Variants in CSNK1E observed in about 807,000 individuals in gnomAD.
CSNK1E encodes the protein casein kinase I isoform epsilon.
In CSNK1E, 17 loss-of-function variants were observed where a neutral mutation model predicts 46.1. The observed-to-expected ratio is 0.37, with a 90% CI of 0.25 to 0.55. The LOEUF is 0.55. Among genes scored for constraint, CSNK1E ranks in the 20% least tolerant of loss-of-function variants. CSNK1E has a pLI of 0.82. For synonymous variants in CSNK1E, 241 were observed against 242.6 expected (o/e 0.99, Z 0.06); for missense variants, 386 against 595.4 (o/e 0.65, Z 3.66).
chr22:38,306,158 C>G (rs1196060424), intron 2 of CSNK1E, among the ~76,000 whole-genome samples: 25 of 152,204 alleles, frequency 1.6e-4, no homozygotes, highest in Admixed American at 1.6e-3. Context: ...ATATTCCACA[C>G]TCTCATTTCA....
chr22:38,314,266 A>C, intron 1 of CSNK1E, 97 bp from the exon 2 acceptor site: 2 of 896,672 alleles, frequency 2.2e-6, no homozygotes, highest in Non-Finnish European at 3.6e-6. Context: ...GAACTCGAAA[A>C]CCTGCATTCT....
intron 7 of CSNK1E, chr22:38,297,737 T>C: frequency 1.0e-6 from 1 of 997,828 alleles, no homozygotes; most frequent in Non-Finnish European, 1.2e-6. Context: ...CCTCAGGCTG[T>C]CCTGGCCCTC....
intron 7 of CSNK1E, chr22:38,296,720 T>A: frequency 1.2e-6 from 2 of 1,603,964 alleles, no homozygotes; most frequent in Non-Finnish European, 1.7e-6. Flanking sequence ...GGCTAGACAG[T>A]CTTGTGAGAC....
At position 38,294,373 on chromosome 22, in the gene CSNK1E, A is replaced by C. The variant is rs767477666; in HGVS notation, c.1047T>G (p.Ala349=). ...GCTGGATGCGGGAGGCTGGCGTGGA[A>C]GCCACGGGCTCGGCGGCACTGCGGA... ...NRLRSAAEPV[A]STPASRIQPA... Residue 349 remains alanine, a synonymous_variant, in exon 8 of 11, where the codon GCT becomes GCG. Transcript: ENST00000396832. The surrounding 1 kb of genome is among the most constrained non-coding windows in gnomAD (Gnocchi z 5.5). 2 of 1,562,762 alleles carry C rather than the reference A, an allele frequency of 1.3e-6. No individual in the cohort carries two copies. The highest frequency in any genetic ancestry group is 2.7e-5 in the African/African-American group (2 of 73,996).
intron 6 of CSNK1E, 79 bp from the exon 7 acceptor site, chr22:38,299,013 G>C: frequency 6.6e-7 from 1 of 1,505,214 alleles, no homozygotes; most frequent in Non-Finnish European, 9.2e-7. Context: ...CACTGTCCTA[G>C]CCACCCACTG....
chr22:38,316,439 G>A (rs969733678), intron 1 of CSNK1E, among the ~76,000 whole-genome samples: 2 of 152,078 alleles, frequency 1.3e-5, no homozygotes, highest in Non-Finnish European at 2.9e-5. Flanking sequence ...AAAACTAAGG[G>A]AAAAGTTGGG....
chr22:38,306,621 C>T (rs766865533), intron 2 of CSNK1E, among the ~76,000 whole-genome samples: 14 of 152,132 alleles, frequency 9.2e-5, no homozygotes, highest in Non-Finnish European at 1.8e-4. Flanking sequence ...ATCCCAGCTA[C>T]TCGGCAGGCT....
Position 38,298,081 on chromosome 22 carries a change from A to G in CSNK1E, c.885+705T>C. On this transcript the variant is annotated intron_variant, in intron 7 of 10. Coordinates refer to ENST00000396832, the MANE Select transcript of CSNK1E (RefSeq NM_152221.3). The surrounding 1 kb of genome is among the most constrained non-coding windows in gnomAD (Gnocchi z 4.2). The stretch of plus-strand genomic sequence containing the variant: ...GCAAATTTTGGAAAAGCCAGACCTC[A>G]GAGGATCCTTACCAGTACGTGGGTG... 8.4e-7 allele frequency: 1 copy of G among 1,190,970 alleles called. No individual in the cohort carries two copies. The highest frequency in any genetic ancestry group is 1.5e-5 in the South Asian group (1 of 65,716). 73.8% of individuals were successfully genotyped at this position (1,190,970 alleles called of 1,614,324 possible). A position where few individuals can be genotyped will look rare whatever the true frequency, so the allele number is the denominator to read the frequency against.
At chr22:38,311,300 C>T (rs1297436322) in intron 2 of CSNK1E, among the ~76,000 whole-genome samples, 1 of 152,178 alleles carries the variant, frequency 6.6e-6, no homozygotes, top group Non-Finnish European at 1.5e-5. Context: ...AGAACCAGCA[C>T]CCAAACCTAG....
rs763764534 is a variant in CSNK1E, at chr22:38,300,767, G to A, written c.522C>T (p.Thr174=). ...HIPYRENKNL[T]GTARYASINT... ...TGATGGAAGCGTAGCGGGCCGTGCC[G>A]GTCAGGTTCTTGTTTTCCCGGTAGG... Residue 174 remains threonine, a synonymous_variant, in exon 5 of 11, where the codon ACC becomes ACT. Coordinates refer to ENST00000396832, the MANE Select transcript of CSNK1E (RefSeq NM_152221.3). The surrounding 1 kb of genome is among the most constrained non-coding windows in gnomAD (Gnocchi z 4.4). The A allele has an allele frequency of 2.7e-5, 44 of 1,614,110 alleles. No homozygotes were observed. The highest frequency in any genetic ancestry group is 1.6e-4 in the Middle Eastern group (1 of 6,084).
rs1328649985 is a variant in CSNK1E at position 38,298,729 on chromosome 22, A to G, written c.885+57T>C. The G allele has an allele frequency of 6.3e-7, 1 of 1,598,872 alleles. No individual in the cohort carries two copies. The highest frequency in any genetic ancestry group is 2.2e-5 in the East Asian group (1 of 44,738). On this transcript the variant is annotated intron_variant, in intron 7 of 10. Transcript: ENST00000396832. The surrounding 1 kb of genome is among the most constrained non-coding windows in gnomAD (Gnocchi z 4.2). ...GCCACCAGCTCACTCTGGCCCTCTG[A>G]GTCAGGGCCTTCCCCATCCAGTCCC...
Position 38,298,976 on chromosome 22 carries a change from C to T in CSNK1E, c.737-42G>A. 10 of 1,611,344 alleles carry T rather than the reference C, an allele frequency of 6.2e-6. No homozygotes were observed. Among genetic ancestry groups the T allele is most frequent in the Non-Finnish European group, 8.5e-6 (10 of 1,177,892 alleles). ...AGGATAGAGAAGGCCACTGTGAGGC[C>T]CACGCTCCCAGACCCCCTGCAGCCA... On this transcript the variant is annotated intron_variant, in intron 6 of 10. Coordinates refer to ENST00000396832, the MANE Select transcript of CSNK1E (RefSeq NM_152221.3). The surrounding 1 kb of genome is among the most constrained non-coding windows in gnomAD (Gnocchi z 4.2).
intron 2 of CSNK1E, 100 bp downstream of exon 2, chr22:38,313,982 A>T (rs1480054884): frequency 9.0e-7 from 1 of 1,108,910 alleles, no homozygotes; most frequent in Non-Finnish European, 1.4e-6. Context: ...ATGCCCCTGG[A>T]GCCACATTCT....
At chr22:38,317,834 A>G (rs1719702752), upstream of CSNK1E, among the ~76,000 whole-genome samples, 1 of 152,094 alleles carries the variant, frequency 6.6e-6, no homozygotes, top group South Asian at 2.1e-4. Flanking sequence ...TATTCACGAC[A>G]CTGCAAAAGA....
chr22:38,300,017 T>C lies in CSNK1E; in HGVS notation c.614A>G (p.Tyr205Cys), dbSNP rs1446016984. The change falls in exon 6 of 11, where the codon TAC (tyrosine) becomes TGC (cysteine). Residue 205 changes from tyrosine to cysteine, a missense_variant. Physicochemically the swap from Tyr to Cys is radical, Grantham distance 194. Coordinates refer to ENST00000396832, the MANE Select transcript of CSNK1E (RefSeq NM_152221.3). The surrounding 1 kb of genome is among the most constrained non-coding windows in gnomAD (Gnocchi z 4.4). ...CCAGGGCAGGGAGCCCAGGTTGAAG[T>C]ACATGAGCACGTAGCCCAGGCTCTC... ...DLESLGYVLM[Y>C]FNLGSLPWQG... 1.2e-6 allele frequency: 2 copies of C among 1,614,160 alleles called. No homozygotes were observed. Among genetic ancestry groups the C allele is most frequent in the Non-Finnish European group, 1.7e-6 (2 of 1,180,032 alleles).
At chr22:38,297,886 A>G in intron 7 of CSNK1E, 1 of 1,051,704 alleles carries the variant, frequency 9.5e-7, no homozygotes, top group Non-Finnish European at 1.2e-6. Context: ...TGGCGACATC[A>G]GAAATGGGGC....
chr22:38,302,698 G>A (rs545552140), intron 4 of CSNK1E, among the ~76,000 whole-genome samples, 163 bp downstream of exon 4: 2 of 152,264 alleles, frequency 1.3e-5, no homozygotes, highest in African/African-American at 4.8e-5. Flanking sequence ...GCGACAGAGT[G>A]AGACTCCGCC....
At position 38,298,482 on chromosome 22, in the gene CSNK1E, G is replaced by A. The variant is rs1295201474; in HGVS notation, c.885+304C>T. 3 of 407,274 alleles carry A rather than the reference G, an allele frequency of 7.4e-6. No homozygotes were observed. The highest frequency in any genetic ancestry group is 4.1e-5 in the African/African-American group (2 of 48,720). 25.2% of individuals were successfully genotyped at this position (407,274 alleles called of 1,614,324 possible). ...GTGTAGGCAGCAATCAGGGCAGCAG[G>A]GGGCGCCGCCAGCACCACCCATGCC... On this transcript the variant is annotated intron_variant, in intron 7 of 10. Transcript: ENST00000396832. The surrounding 1 kb of genome is among the most constrained non-coding windows in gnomAD (Gnocchi z 4.2).
Position 38,294,538 on chromosome 22 carries a change from C to T in CSNK1E, c.886-4G>A. ...CCTCGGGATTCCGGGCTGCACCCTGCAGGGATGCAAGAAAAGACACCAGTC... is the reference window on the plus strand; with the variant it reads ...CCTCGGGATTCCGGGCTGCACCCTGTAGGGATGCAAGAAAAGACACCAGTC... On this transcript the variant is annotated splice_polypyrimidine_tract_variant and splice_region_variant and intron_variant, in intron 7 of 10. Coordinates refer to ENST00000396832, the MANE Select transcript of CSNK1E (RefSeq NM_152221.3). The surrounding 1 kb of genome is among the most constrained non-coding windows in gnomAD (Gnocchi z 5.5). 2 of 1,578,174 alleles carry T rather than the reference C, an allele frequency of 1.3e-6. No homozygotes were observed. Among genetic ancestry groups the T allele is most frequent in the Non-Finnish European group, 1.7e-6 (2 of 1,163,852 alleles).
Sources: allele counts gnomAD v4.1 joint callset (sites outside exome capture counted in the v4.1 genomes callset), GRCh38; gene constraint gnomAD v4.1.1; non-coding constraint Gnocchi (gnomAD v3.1); transcripts MANE v1.5; gene names NCBI Gene and HGNC (gene_info 2026-07-23, HGNC 2026-07-21).